CHD1L: variants seen among roughly 807,000 people sequenced by gnomAD.
CHD1L encodes the protein ATP-dependent chromatin remodeler CHD1L.
In CHD1L, 118 loss-of-function variants were observed where a neutral mutation model predicts 115.9. The ratio of observed to expected loss-of-function variants is 1.02; its 90% confidence interval spans 0.88 to 1.19. The LOEUF (loss-of-function observed/expected upper bound fraction) is 1.19, where lower values mean the gene tolerates loss of function less well. Among genes scored for constraint, CHD1L ranks in the 50% most tolerant of loss-of-function variants. The pLI, the probability that CHD1L is intolerant of heterozygous loss-of-function variation, is 0.00. For missense variants in CHD1L, 1,179 were observed against 1,065.3 expected, an observed-to-expected ratio of 1.11 and a Z score of -1.49; for synonymous variants, 411 against 387.1, an observed-to-expected ratio of 1.06 and a Z score of -0.72.
At chr1:147,271,028 T>C in intron 11 of CHD1L, 23 bp downstream of exon 11, 1 of 1,586,844 alleles carries the variant, frequency 6.3e-7, no homozygotes, top group Non-Finnish European at 8.7e-7. Context: ...GGCCACTACA[T>C]TACCTAAGGC....
Position 147,285,523 on chromosome 1 carries a change from G to A in CHD1L, c.2018+36G>A, listed in dbSNP as rs200859049. The stretch of plus-strand genomic sequence containing the variant: ...GTTAACCAAGCTGGCGGCCACAGTT[G>A]AAGGAGTCACTATTGTATAGTGAGA... On this transcript the variant is annotated intron_variant, in intron 17 of 22. Transcript: ENST00000369258. The A allele has an allele frequency of 1.3e-3, 2,028 of 1,592,620 alleles. 2 individuals are homozygous for A. The highest frequency in any genetic ancestry group is 1.6e-3 in the Non-Finnish European group (1,856 of 1,172,236).
chr1:147,272,903 G>GGA (rs1488712901), intron 12 of CHD1L, among the ~76,000 whole-genome samples: 6 of 141,428 alleles, frequency 4.2e-5, no homozygotes, highest in Non-Finnish European at 9.1e-5. Context: ...GTGGTGTCTG[G>GGA]AAAAAAAAAA....
chr1:147,291,941 C>T (rs1479392632), intron 20 of CHD1L, among the ~76,000 whole-genome samples: 2 of 151,896 alleles, frequency 1.3e-5, no homozygotes, highest in Non-Finnish European at 2.9e-5. Context: ...GACTCTGTCT[C>T]TAAATACAGT....
At position 147,275,461 on chromosome 1, in the gene CHD1L, C is replaced by A; in HGVS notation, c.1378C>A (p.Gln460Lys). 3.7e-6 allele frequency: 6 copies of A among 1,612,542 alleles called. No individual in the cohort carries two copies. Among genetic ancestry groups the A allele is most frequent in the Non-Finnish European group, 5.1e-6 (6 of 1,178,680 alleles). ...QAAARAHRIG[Q>K]NKSVKVIRLI... Reference sequence around the variant, plus strand: ...AGCTGCCAGGGCTCATCGCATTGGCCAAAACAAGTAAGTGATTTTTTTCTG... The same window carrying A: ...AGCTGCCAGGGCTCATCGCATTGGCAAAAACAAGTAAGTGATTTTTTTCTG... Residue 460 changes from glutamine to lysine, a missense_variant, in exon 13 of 23, where the codon CAA (glutamine) becomes AAA (lysine). Coordinates refer to ENST00000369258, the MANE Select transcript of CHD1L (RefSeq NM_004284.6).
chr1:147,287,441 C>T (rs1553966856), intron 18 of CHD1L, among the ~76,000 whole-genome samples, 194 bp from the exon 19 acceptor site: 1 of 152,068 alleles, frequency 6.6e-6, no homozygotes, highest in East Asian at 1.9e-4. Flanking sequence ...TTATCATGGC[C>T]CCAGCTATAT....
At chr1:147,197,773 T>C in the CHD1L span, among the ~76,000 whole-genome samples, 2 of 152,186 alleles carry the variant, frequency 1.3e-5, no homozygotes, top group East Asian at 3.9e-4. Context: ...AGCATGAGAA[T>C]GGGCTAACAC....
the CHD1L span, among the ~76,000 whole-genome samples, chr1:147,231,887 G>A: frequency 6.6e-6 from 1 of 152,128 alleles, no homozygotes; most frequent in African/African-American, 2.4e-5. Flanking sequence ...CCCGGGTGAG[G>A]CGATGCCTCG....
the CHD1L span, chr1:147,213,530 T>G: frequency 2.8e-6 from 4 of 1,432,654 alleles, no homozygotes; most frequent in African/African-American, 5.7e-5. Flanking sequence ...TTGCATAGTG[T>G]TACACAAAGG....
the CHD1L span, chr1:147,209,114 C>T: frequency 7.0e-7 from 1 of 1,428,650 alleles, no homozygotes; most frequent in Non-Finnish European, 9.7e-7. Flanking sequence ...AAAAGCACCC[C>T]CATTTTCTTC....
chr1:147,186,667 A>C, the CHD1L span: 23 of 1,325,284 alleles, frequency 1.7e-5, no homozygotes, highest in Non-Finnish European at 2.2e-5. Flanking sequence ...CTGAGCTCCC[A>C]GTCTAGGGAT....
chr1:147,256,573 T>C lies in CHD1L; in HGVS notation c.494+11T>C, dbSNP rs368277783. On this transcript the variant is annotated intron_variant, in intron 5 of 22. Coordinates refer to ENST00000369258, the MANE Select transcript of CHD1L (RefSeq NM_004284.6). ...ATCATTTCTAAAATCGTGAGTAGGT[T>C]GTACTATTTAAGAACTTGGGTTGAA... The C allele has an allele frequency of 3.8e-5, 62 of 1,611,650 alleles. No individual in the cohort carries two copies. The highest frequency in any genetic ancestry group is 1.6e-4 in the Middle Eastern group (1 of 6,080).
intron 6 of CHD1L, among the ~76,000 whole-genome samples, chr1:147,263,085 A>G (rs1470316092): frequency 2.7e-5 from 4 of 150,580 alleles, no homozygotes; most frequent in Non-Finnish European, 6.0e-5. Context: ...GTGCATAGAT[A>G]CACTTACATA....
At position 147,286,346 on chromosome 1, in the gene CHD1L, T is replaced by C; in HGVS notation, c.2067T>C (p.Ser689=). 2 of 1,614,138 alleles carry C rather than the reference T, an allele frequency of 1.2e-6. No homozygotes were observed. The highest frequency in any genetic ancestry group is 1.7e-6 in the Non-Finnish European group (2 of 1,180,016). The change falls in exon 18 of 23, where the codon TCT becomes TCC. Residue 689 remains serine, a synonymous_variant. Coordinates refer to ENST00000369258, the MANE Select transcript of CHD1L (RefSeq NM_004284.6). ...SNNYQSFCLP[S]EESEPEDLEN... ...ATTACCAGTCCTTCTGCCTGCCCTCTGAGGAGAGCGAGCCAGAGGACCTTG... is the reference window on the plus strand; with the variant it reads ...ATTACCAGTCCTTCTGCCTGCCCTCCGAGGAGAGCGAGCCAGAGGACCTTG...
In CHD1L at chr1:147,276,174, AAACTGC is replaced by A. The variant is rs1166151062; in HGVS notation, c.1458_1463del (p.Gln488_Leu489del). The A allele has an allele frequency of 8.1e-6, 13 of 1,614,198 alleles. No homozygotes were observed. Among genetic ancestry groups the A allele is most frequent in the Non-Finnish European group, 1.0e-5 (12 of 1,180,006 alleles). On this transcript the variant is annotated inframe_deletion, in exon 14 of 23. Transcript: ENST00000369258. ...AATAGTCTATAGGAAAGCAGCCTCC[AAACTGC>A]AGCTCACCAACATGATCATAGAAGG...
At chr1:147,273,145 G>A (rs1676930258) in intron 12 of CHD1L, among the ~76,000 whole-genome samples, 1 of 152,222 alleles carries the variant, frequency 6.6e-6, no homozygotes. Context: ...GGAGGTTGCA[G>A]TGAGCCAAGA....
At chr1:147,225,537 C>T in the CHD1L span, 2 of 158,034 alleles carry the variant, frequency 1.3e-5, no homozygotes, top group Non-Finnish European at 1.4e-5. Flanking sequence ...TACAACTTCT[C>T]TATATTTCAG....
chr1:147,238,831 T>C (rs181139391), upstream of CHD1L, among the ~76,000 whole-genome samples: 1 of 152,342 alleles, frequency 6.6e-6, no homozygotes, highest in Admixed American at 6.5e-5. Context: ...AACCCTGTTT[T>C]TAGATTCTCT....
At chr1:147,251,788 C>T (rs1250984315) in intron 1 of CHD1L, among the ~76,000 whole-genome samples, 1 of 152,124 alleles carries the variant, frequency 6.6e-6, no homozygotes. Flanking sequence ...GCCTCAGCCT[C>T]CCAAAGTGCT....
the CHD1L span, chr1:147,216,015 G>C: frequency 8.4e-7 from 1 of 1,191,864 alleles, no homozygotes; most frequent in Non-Finnish European, 1.2e-6. Context: ...ATAGACATCT[G>C]AAAAAGTTTT....
Sources: gnomAD v4.1 joint callset for allele counts (sites outside exome capture counted in the v4.1 genomes callset) on GRCh38, gnomAD v4.1.1 for gene constraint, MANE v1.5 for transcripts, NCBI Gene and HGNC (gene_info 2026-07-23, HGNC 2026-07-21) for gene names.